EHMT1: variants seen among roughly 807,000 people sequenced by gnomAD.
The protein encoded by EHMT1 is histone-lysine N-methyltransferase EHMT1.
In EHMT1, 15 loss-of-function variants were observed where a neutral mutation model predicts 147.2. That is an observed-to-expected ratio of 0.10 (90% CI 0.07 to 0.16). The LOEUF is 0.16. Ranked by LOEUF, EHMT1 falls within the 10% of genes least tolerant of loss-of-function variation. The pLI is 1.00. For synonymous variants in EHMT1, 795 were observed against 709.6 expected (o/e 1.12, Z -1.91); for missense variants, 1,587 against 1,772.4 (o/e 0.90, Z 1.88).
rs139763404 is a variant in EHMT1, at chr9:137,782,734, C to G, written c.2382+337C>G. On this transcript the variant is annotated intron_variant, in intron 15 of 26. Coordinates refer to ENST00000460843, the MANE Select transcript of EHMT1 (RefSeq NM_024757.5). This position sits in a 1 kb window ranked among gnomAD's most constrained non-coding sequence, Gnocchi z 5.7. Reference sequence around the variant, plus strand: ...GGCACGGACGCCCCTCCCCCAGCCCCGTTGACTGGCTCCCATTTTGTTTAG... The same window carrying G: ...GGCACGGACGCCCCTCCCCCAGCCCGGTTGACTGGCTCCCATTTTGTTTAG... Among the ~76,000 whole-genome samples the G allele has an allele frequency of 6.6e-6, 1 of 152,214 alleles. No individual in the cohort carries two copies. The highest frequency in any genetic ancestry group is 2.1e-4 in the South Asian group (1 of 4,826).
rs565036622 is a variant in EHMT1, at chr9:137,742,864, A to G, written c.824-507A>G. 10 of 200,416 alleles carry G rather than the reference A, an allele frequency of 5.0e-5. No individual in the cohort carries two copies. The East Asian group carries it at 1.2e-3, about 24-fold the overall frequency. The allele number at this position is 200,416 out of a possible 1,614,324, so 12.4% of individuals were successfully genotyped here. On this transcript the variant is annotated intron_variant, in intron 4 of 26. Coordinates refer to ENST00000460843, the MANE Select transcript of EHMT1 (RefSeq NM_024757.5). ...GGAGTCACAGGGGTGGACCTGGCAC[A>G]GAGCTTGTGTCCTAGGAAGACTGGC... is the stretch of plus-strand genomic sequence containing the variant.
intron 3 of EHMT1, among the ~76,000 whole-genome samples, chr9:137,722,713 C>G (rs1350314072): frequency 6.8e-6 from 1 of 148,144 alleles, no homozygotes; most frequent in South Asian, 2.1e-4. Flanking sequence ...TGTGTGGGCC[C>G]CACAGAGGTG....
chr9:137,824,292 G>A (rs555941873), intron 25 of EHMT1, among the ~76,000 whole-genome samples: 1 of 152,286 alleles, frequency 6.6e-6, no homozygotes, highest in African/African-American at 2.4e-5. Flanking sequence ...CATGTGGACA[G>A]TTAATCCAGC....
At chr9:137,734,638 C>T (rs748242630) in intron 4 of EHMT1, among the ~76,000 whole-genome samples, 2 of 152,164 alleles carry the variant, frequency 1.3e-5, no homozygotes, top group African/African-American at 4.8e-5. Flanking sequence ...CTCAAAGAGA[C>T]CCACAGTAGA....
chr9:137,633,119 C>A (rs1234718700), intron 1 of EHMT1, among the ~76,000 whole-genome samples: 2 of 152,088 alleles, frequency 1.3e-5, no homozygotes, highest in Non-Finnish European at 2.9e-5. Context: ...GGGTTCTCTG[C>A]TTGAACGGAA....
At chr9:137,656,392 A>G (rs557563999) in intron 1 of EHMT1, among the ~76,000 whole-genome samples, 5 of 152,318 alleles carry the variant, frequency 3.3e-5, no homozygotes, top group Non-Finnish European at 5.9e-5. Flanking sequence ...AAACAAAAAC[A>G]AAAAACAAAA....
intron 1 of EHMT1, among the ~76,000 whole-genome samples, chr9:137,634,653 G>A (rs1274566059): frequency 7.0e-6 from 1 of 142,794 alleles, no homozygotes; most frequent in Non-Finnish European, 1.5e-5. Flanking sequence ...TCAAGATTGG[G>A]TCCCTTGCTT....
chr9:137,624,455 A>G (rs1029824781), intron 1 of EHMT1, among the ~76,000 whole-genome samples: 4 of 151,894 alleles, frequency 2.6e-5, no homozygotes, highest in Non-Finnish European at 5.9e-5. Context: ...AGCTGTGATT[A>G]CAGGTGGGCA....
chr9:137,814,640 GT>G (rs1440386970), intron 22 of EHMT1, 132 bp downstream of exon 22: 3 of 1,048,636 alleles, frequency 2.9e-6, no homozygotes, highest in Non-Finnish European at 4.3e-6. Flanking sequence ...TGAGCTGGGT[GT>G]GACAGGCAGG....
intron 1 of EHMT1, among the ~76,000 whole-genome samples, chr9:137,660,361 T>G (rs1443820074): frequency 6.6e-6 from 1 of 152,102 alleles, no homozygotes; most frequent in Non-Finnish European, 1.5e-5. Flanking sequence ...TCATCTTTCT[T>G]CATGTGTATA....
At chr9:137,717,252 T>G (rs1335855083) in intron 3 of EHMT1, 70 bp downstream of exon 3, 1 of 1,562,620 alleles carries the variant, frequency 6.4e-7, no homozygotes, top group African/African-American at 1.3e-5. Flanking sequence ...CAAATGGACT[T>G]TGGTGCATTG....
rs541416112 is a variant in EHMT1 at position 137,802,696 on chromosome 9, A to G, written c.2712+1712A>G. 6.1e-6 allele frequency: 4 copies of G among 658,306 alleles called. No individual in the cohort carries two copies. The Admixed American group carries it at 1.3e-4, about 21-fold the overall frequency. 40.8% of individuals were successfully genotyped at this position (658,306 alleles called of 1,614,324 possible). A position where few individuals can be genotyped will look rare whatever the true frequency, so the allele number is the denominator to read the frequency against. On this transcript the variant is annotated intron_variant, in intron 18 of 26. Coordinates refer to ENST00000460843, the MANE Select transcript of EHMT1 (RefSeq NM_024757.5). ...CACCTCCCACCTAGAAACAGGGACC[A>G]CTGGCTGTGGGCACCCGCTGCCTCC...
At position 137,731,182 on chromosome 9, in the gene EHMT1, G is replaced by A. The variant is rs1947077265; in HGVS notation, c.823+2653G>A. Among the ~76,000 whole-genome samples, 1 of 152,170 alleles carries A rather than the reference G, an allele frequency of 6.6e-6. No individual in the cohort carries two copies. The highest frequency in any genetic ancestry group is 2.4e-5 in the African/African-American group (1 of 41,442). Reference sequence around the variant, plus strand: ...CCACCCCTTCCTTATCCGTAACCTGGAAGTGGGTGGTCCATCAGCGTGTTA... The same window carrying A: ...CCACCCCTTCCTTATCCGTAACCTGAAAGTGGGTGGTCCATCAGCGTGTTA... On this transcript the variant is annotated intron_variant, in intron 4 of 26. Transcript: ENST00000460843. This position sits in a 1 kb window ranked among gnomAD's most constrained non-coding sequence, Gnocchi z 4.3.
At chr9:137,673,835 T>C (rs980139752) in intron 1 of EHMT1, among the ~76,000 whole-genome samples, 15 of 152,226 alleles carry the variant, frequency 9.9e-5, no homozygotes, top group African/African-American at 3.6e-4. Flanking sequence ...TATAGTAAGA[T>C]TAAAAAACAG....
chr9:137,717,778 C>G (rs988417791), intron 3 of EHMT1, among the ~76,000 whole-genome samples: 10 of 152,184 alleles, frequency 6.6e-5, no homozygotes, highest in Admixed American at 4.6e-4. Flanking sequence ...GCCTCTTCTG[C>G]TTTGGACATT....
intron 3 of EHMT1, among the ~76,000 whole-genome samples, chr9:137,720,700 G>A (rs900376001): frequency 6.6e-6 from 1 of 152,198 alleles, no homozygotes; most frequent in African/African-American, 2.4e-5. Context: ...TCCAAGTTAC[G>A]TCATTAGCCC....
At chr9:137,686,216 G>A (rs1161094129) in intron 1 of EHMT1, among the ~76,000 whole-genome samples, 4 of 143,010 alleles carry the variant, frequency 2.8e-5, no homozygotes, top group African/African-American at 1.0e-4. Context: ...TTTTGATGAC[G>A]TCCAATTTAT....
chr9:137,680,125 T>C (rs1478158410), intron 1 of EHMT1, among the ~76,000 whole-genome samples: 1 of 152,202 alleles, frequency 6.6e-6, no homozygotes, highest in African/African-American at 2.4e-5. Flanking sequence ...TGTATTGTGT[T>C]CCTGTTTTTA....
chr9:137,763,149 A>G, intron 10 of EHMT1: 1 of 537,916 alleles, frequency 1.9e-6, no homozygotes, highest in Non-Finnish European at 3.3e-6. Flanking sequence ...GAGGCAGGAT[A>G]GTCACACCAA....
Sources: gnomAD v4.1 joint callset for allele counts (sites outside exome capture counted in the v4.1 genomes callset) on GRCh38, gnomAD v4.1.1 for gene constraint, Gnocchi (gnomAD v3.1) non-coding constraint, MANE v1.5 for transcripts, NCBI Gene and HGNC (gene_info 2026-07-23, HGNC 2026-07-21) for gene names.